The following TASOR2 variants were observed in gnomAD, a reference collection of about 807,000 sequenced individuals.
The protein encoded by TASOR2 is protein TASOR 2.
A neutral mutation model predicts 199.5 loss-of-function variants in TASOR2; 84 were observed. The observed-to-expected ratio is 0.42, with a 90% CI of 0.35 to 0.50. TASOR2 has a LOEUF of 0.50. TASOR2 is among the 20% of genes least tolerant of loss of function. TASOR2 has a pLI of 0.02. For missense variants in TASOR2, 2,796 were observed against 2,835.9 expected, an observed-to-expected ratio of 0.99 and a Z score of 0.32; for synonymous variants, 1,103 against 1,046.6, an observed-to-expected ratio of 1.05 and a Z score of -1.04.
chr10:5,757,589 G>C, exon 17 of TASOR2: 1 of 1,613,636 alleles, frequency 6.2e-7, no homozygotes, highest in Non-Finnish European at 8.5e-7. Context: ...CCCTGGAGAT[G>C]TTCTTGATCA....
rs776936157 is a variant in TASOR2, at chr10:5,747,482, T to C, written c.4061T>C (p.Val1354Ala). ...TATCCCTCAGTGTCAGAAGAACCAG[T>C]AGAAAATAAGGAGAGAAAGGGGGAT... Residue 1354 changes from valine to alanine, a missense_variant, in exon 15 of 21, where the codon GTA becomes GCA. Coordinates refer to ENST00000328090, the Ensembl canonical transcript of TASOR2. 5 of 1,614,154 alleles carry C rather than the reference T, an allele frequency of 3.1e-6. No individual in the cohort carries two copies. In the South Asian group the frequency reaches 4.4e-5, roughly 14 times the overall value.
chr10:5,758,858 C>A, intron 17 of TASOR2, 29 bp from the exon 19 acceptor site: 1 of 1,535,272 alleles, frequency 6.5e-7, no homozygotes, highest in Non-Finnish European at 9.0e-7. Context: ...AACTTGTCAT[C>A]TTCTTTTGCT....
At position 5,701,697 on chromosome 10, in the gene TASOR2, A is replaced by C. The variant is rs1588623900; in HGVS notation, c.-287-11126A>C. ...CACTTCTTTGGCTAAATTGATTCCT[A>C]GGTATGTTATATTCTTTGTAGCTAT... is the stretch of plus-strand genomic sequence containing the variant. On this transcript the variant is annotated intron_variant, in intron 1 of 20. Transcript: ENST00000328090. This position sits in a 1 kb window ranked among gnomAD's most constrained non-coding sequence, Gnocchi z 4.9. Among the ~76,000 whole-genome samples, 1 of 152,026 alleles carries C rather than the reference A, an allele frequency of 6.6e-6. No individual in the cohort carries two copies.
chr10:5,746,770 G>A (rs761477542), exon 15 of TASOR2: 36 of 1,614,028 alleles, frequency 2.2e-5, no homozygotes, highest in Non-Finnish European at 2.9e-5. Flanking sequence ...AGTAGTTGCA[G>A]GACAGAAGGG....
chr10:5,721,996 A>T (rs553276483), intron 6 of TASOR2, among the ~76,000 whole-genome samples: 16 of 152,340 alleles, frequency 1.1e-4, no homozygotes, highest in Non-Finnish European at 1.9e-4. Flanking sequence ...AAGAGACGTG[A>T]TTACTGAATG....
Position 5,742,167 on chromosome 10 carries a change from T to A in TASOR2, c.2398T>A (p.Phe800Ile). 6.2e-7 allele frequency: 1 copy of A among 1,614,184 alleles called. No homozygotes were observed. Among genetic ancestry groups the A allele is most frequent in the Non-Finnish European group, 8.5e-7 (1 of 1,180,016 alleles). The change falls in exon 14 of 21, where the codon TTT becomes ATT. Residue 800 changes from phenylalanine (F) to isoleucine (I), a missense_variant. Physicochemically the swap from Phe to Ile is conservative, Grantham distance 21 (BLOSUM62 0). Coordinates refer to ENST00000328090, the Ensembl canonical transcript of TASOR2. This position sits in a 1 kb window ranked among gnomAD's most constrained non-coding sequence, Gnocchi z 4.2. ...TTTACTTCATATGTGGGTAGCTCTG[T>A]TTTACAGCAATCAGAACAAAATCAT...
In TASOR2 at chr10:5,762,824, T is replaced by C. The variant is rs1840092479; in HGVS notation, c.7289+178T>C. On this transcript the variant is annotated intron_variant, in intron 20 of 20. Coordinates refer to ENST00000328090, the Ensembl canonical transcript of TASOR2. ...TTGGCATAAATAGGAATTCCTAAAT[T>C]ATCACTAAATGAAGTAACCATCTAC... is the stretch of plus-strand genomic sequence containing the variant. 6.3e-6 allele frequency: 4 copies of C among 631,890 alleles called. No homozygotes were observed. The South Asian group carries it at 8.3e-5, about 13-fold the overall frequency. 39.1% of individuals were successfully genotyped at this position (631,890 alleles called of 1,614,324 possible).
In TASOR2 at chr10:5,754,696, CTG is replaced by C; in HGVS notation, c.6607-1915_6607-1914del. ...CATAATATTTTATCACGTGGTGTCACTGTTTACAACAGAAAATAACAAATGTG... is the reference window on the plus strand; with the variant it reads ...CATAATATTTTATCACGTGGTGTCACTTTACAACAGAAAATAACAAATGTG... On this transcript the variant is annotated intron_variant, in intron 15 of 20. Coordinates refer to ENST00000328090, the Ensembl canonical transcript of TASOR2. This position sits in a 1 kb window ranked among gnomAD's most constrained non-coding sequence, Gnocchi z 4.3. Among the ~76,000 whole-genome samples the C allele has an allele frequency of 6.6e-6, 1 of 152,186 alleles. No homozygotes were observed. The highest frequency in any genetic ancestry group is 1.9e-4 in the East Asian group (1 of 5,170).
chr10:5,747,570 A>G, exon 15 of TASOR2: 1 of 1,614,126 alleles, frequency 6.2e-7, no homozygotes, highest in Non-Finnish European at 8.5e-7. Flanking sequence ...TTGCAGAGGA[A>G]ATTAATGTGA....
At chr10:5,762,834 T>A in intron 20 of TASOR2, 188 bp downstream of exon 21, 4 of 634,984 alleles carry the variant, frequency 6.3e-6, no homozygotes, top group Non-Finnish European at 1.1e-5. Flanking sequence ...TATCACTAAA[T>A]GAAGTAACCA....
Position 5,738,356 on chromosome 10 carries a change from G to T in TASOR2, c.1448-1262G>T, listed in dbSNP as rs1835912015. Among the ~76,000 whole-genome samples the T allele has an allele frequency of 6.6e-6, 1 of 151,932 alleles. No individual in the cohort carries two copies. Among genetic ancestry groups the T allele is most frequent in the Non-Finnish European group, 1.5e-5 (1 of 68,004 alleles). ...TTTTAATACAGTATCTTTTATATTA[G>T]GCCTTACTGGTAAGTAATATTTTGT... is the stretch of plus-strand genomic sequence containing the variant. On this transcript the variant is annotated intron_variant, in intron 12 of 20. Transcript: ENST00000328090. This position sits in a 1 kb window ranked among gnomAD's most constrained non-coding sequence, Gnocchi z 4.7.
At position 5,698,288 on chromosome 10, in the gene TASOR2, A is replaced by C. The variant is rs1837390626; in HGVS notation, c.-288+13113A>C. Among the ~76,000 whole-genome samples the C allele has an allele frequency of 6.6e-6, 1 of 152,196 alleles. No homozygotes were observed. Among genetic ancestry groups the C allele is most frequent in the Non-Finnish European group, 1.5e-5 (1 of 68,030 alleles). On this transcript the variant is annotated intron_variant, in intron 1 of 20. Transcript: ENST00000328090. The surrounding 1 kb of genome is among the most constrained non-coding windows in gnomAD (Gnocchi z 4.4). ...AGCTCATTGGTTGAGGGAAGATGAG[A>C]GATAGGAGAGTGAGGGCCACCCCAG... is the stretch of plus-strand genomic sequence containing the variant.
At position 5,712,602 on chromosome 10, in the gene TASOR2, T is replaced by C; in HGVS notation, c.-287-221T>C. 5 of 1,210,700 alleles carry C rather than the reference T, an allele frequency of 4.1e-6. No individual in the cohort carries two copies. The South Asian group carries it at 2.1e-4, about 52-fold the overall frequency. 75.0% of individuals were successfully genotyped at this position (1,210,700 alleles called of 1,614,324 possible). On this transcript the variant is annotated intron_variant, in intron 1 of 20. Coordinates refer to ENST00000328090, the Ensembl canonical transcript of TASOR2. ...AGTTTTAAAAGAGGTAAACCCATCATTTTTGGTATATAAGCCTAGCACTTT... is the reference window on the plus strand; with the variant it reads ...AGTTTTAAAAGAGGTAAACCCATCACTTTTGGTATATAAGCCTAGCACTTT...
rs1444314472 is a variant in TASOR2 at position 5,690,461 on chromosome 10, T to A, written c.-288+5286T>A. Reference sequence around the variant, plus strand: ...TCAAGATCCCAATGCCTGAGGTTTGTCCAGTTGGGGCACCTACTTTACCCT... The same window carrying A: ...TCAAGATCCCAATGCCTGAGGTTTGACCAGTTGGGGCACCTACTTTACCCT... On this transcript the variant is annotated intron_variant, in intron 1 of 20. Transcript: ENST00000328090. This position sits in a 1 kb window ranked among gnomAD's most constrained non-coding sequence, Gnocchi z 4.8. 1.3e-5 allele frequency among the ~76,000 whole-genome samples: 2 copies of A among 152,238 alleles called. No homozygotes were observed. Among genetic ancestry groups the A allele is most frequent in the Non-Finnish European group, 2.9e-5 (2 of 68,030 alleles).
At chr10:5,728,903 A>C (rs754275852) in intron 10 of TASOR2, among the ~76,000 whole-genome samples, 1 of 151,722 alleles carries the variant, frequency 6.6e-6, no homozygotes, top group Non-Finnish European at 1.5e-5. Context: ...TAAGATTTCT[A>C]ATTTCATTTT....
At chr10:5,735,232 C>G (rs2131602568) in intron 11 of TASOR2, 72 bp from the exon 13 acceptor site, 1 of 1,532,452 alleles carries the variant, frequency 6.5e-7, no homozygotes, top group East Asian at 2.3e-5. Flanking sequence ...CAAAACAAAA[C>G]AAAAAATGGA....
At chr10:5,713,883 G>A in intron 2 of TASOR2, 1 of 267,400 alleles carries the variant, frequency 3.7e-6, no homozygotes, top group Admixed American at 5.3e-5. Flanking sequence ...TACCTACAGT[G>A]AGCAGACTAT....
In TASOR2 at chr10:5,760,243, A is replaced by G. The variant is rs192721208; in HGVS notation, c.6993-1047A>G. 3.9e-3 allele frequency among the ~76,000 whole-genome samples: 600 copies of G among 152,314 alleles called. 8 individuals carry two copies. Among genetic ancestry groups the G allele is most frequent in the African/African-American group, 0.014 (563 of 41,560 alleles). ...AAACACAAAAAAGGTTCAGTAAATTACAGTAGTATAATTTTATGGGACCAC... is the reference window on the plus strand; with the variant it reads ...AAACACAAAAAAGGTTCAGTAAATTGCAGTAGTATAATTTTATGGGACCAC... On this transcript the variant is annotated intron_variant, in intron 18 of 20. Coordinates refer to ENST00000328090, the Ensembl canonical transcript of TASOR2.
At position 5,699,767 on chromosome 10, in the gene TASOR2, T is replaced by C; in HGVS notation, c.-287-13056T>C. 1 of 898,852 alleles carries C rather than the reference T, an allele frequency of 1.1e-6. No homozygotes were observed. The highest frequency in any genetic ancestry group is 1.8e-5 in the African/African-American group (1 of 55,658). 55.7% of individuals were successfully genotyped at this position (898,852 alleles called of 1,614,324 possible). ...GTATATTTTACCACAATTTTGATAA[T>C]GCAAAGAAAGAAAACAAAAGATAGA... On this transcript the variant is annotated intron_variant, in intron 1 of 20. Coordinates refer to ENST00000328090, the Ensembl canonical transcript of TASOR2. The surrounding 1 kb of genome is among the most constrained non-coding windows in gnomAD (Gnocchi z 4.1).
Sources: gnomAD v4.1 joint callset for allele counts (sites outside exome capture counted in the v4.1 genomes callset) on GRCh38, gnomAD v4.1.1 for gene constraint, Gnocchi (gnomAD v3.1) non-coding constraint, MANE v1.5 for transcripts, NCBI Gene and HGNC (gene_info 2026-07-23, HGNC 2026-07-21) for gene names.